The following MMS22L variants were observed in gnomAD, a reference collection of about 807,000 sequenced individuals.
MMS22L encodes protein MMS22-like.
Under a neutral mutation model 159.1 loss-of-function variants are expected in MMS22L, and 74 were observed. The observed-to-expected ratio is 0.47, with a 90% CI of 0.39 to 0.56. The LOEUF is 0.56. MMS22L is among the 20% of genes least tolerant of loss of function. The pLI is 0.00. For missense variants in MMS22L, 1,351 were observed against 1,422.1 expected (o/e 0.95, Z 0.80); for synonymous variants, 517 against 506.9 (o/e 1.02, Z -0.27).
In MMS22L at chr6:97,281,362, T is replaced by A; in HGVS notation, c.165A>T (p.Arg55=). 6.3e-7 allele frequency: 1 copy of A among 1,591,910 alleles called. No homozygotes were observed. The highest frequency in any genetic ancestry group is 8.5e-7 in the Non-Finnish European group (1 of 1,170,990). The change falls in exon 3 of 25, where the codon CGA becomes CGT. Residue 55 remains arginine (R), a splice_region_variant and synonymous_variant. Transcript: ENST00000683635. ...ESYLCSGALK[R]LILNLDPLPT... ...GTAAAGGGTCAAGATTCAAAATCAA[T>A]CTGAAATGAAAATTGTTTCAATCTC...
At chr6:97,283,773 T>G (rs906865472), upstream of MMS22L, among the ~76,000 whole-genome samples, 1 of 152,162 alleles carries the variant, frequency 6.6e-6, no homozygotes, top group Non-Finnish European at 1.5e-5. Context: ...ACATGAAACA[T>G]TCACTAAGCG....
intron 22 of MMS22L, among the ~76,000 whole-genome samples, chr6:97,155,720 G>A (rs894119011): frequency 6.6e-6 from 1 of 152,030 alleles, no homozygotes; most frequent in African/African-American, 2.4e-5. Context: ...TCATTGATGG[G>A]CATTTGGGTT....
chr6:97,254,040 T>A (rs1813513293), intron 10 of MMS22L: 1 of 152,542 alleles, frequency 6.6e-6, no homozygotes, highest in African/African-American at 2.4e-5. Flanking sequence ...AATGAGAAAT[T>A]AATATACTAG....
At chr6:97,195,201 A>T (rs1309631442) in intron 14 of MMS22L, among the ~76,000 whole-genome samples, 1 of 152,154 alleles carries the variant, frequency 6.6e-6, no homozygotes, top group Non-Finnish European at 1.5e-5. Context: ...CAGTGAGAAG[A>T]AAAAGTGCAA....
intron 18 of MMS22L, among the ~76,000 whole-genome samples, chr6:97,174,860 T>C (rs1803967921): frequency 6.6e-6 from 1 of 152,154 alleles, no homozygotes; most frequent in Admixed American, 6.5e-5. Context: ...CAATAAAATG[T>C]GAAATGAAAA....
rs113507857 is a variant in MMS22L at position 97,282,757 on chromosome 6, C to A, written c.-76-204G>T. Reference sequence around the variant, plus strand: ...CTGTGGCAGGGACCTCGAAATCCGGCCACTAAGTCGGGCTCTGCAGCCCAG... The same window carrying A: ...CTGTGGCAGGGACCTCGAAATCCGGACACTAAGTCGGGCTCTGCAGCCCAG... On this transcript the variant is annotated intron_variant, in intron 1 of 24. Transcript: ENST00000683635. Among the ~76,000 whole-genome samples the A allele has an allele frequency of 7.3e-3, 1,114 of 152,260 alleles. 18 individuals carry two copies. The highest frequency in any genetic ancestry group is 0.025 in the African/African-American group (1,045 of 41,544).
At chr6:97,165,093 T>TA (rs1802828288) in intron 21 of MMS22L, among the ~76,000 whole-genome samples, 153 bp downstream of exon 21, 1 of 152,168 alleles carries the variant, frequency 6.6e-6, no homozygotes, top group Non-Finnish European at 1.5e-5. Context: ...AATGTCATTT[T>TA]AATAAAATCT....
intron 23 of MMS22L, 136 bp downstream of exon 23, chr6:97,151,635 C>A: frequency 2.9e-6 from 2 of 691,700 alleles, no homozygotes; most frequent in Non-Finnish European, 2.4e-6. Flanking sequence ...AAAACTACTG[C>A]CAAAAATACA....
Position 97,181,959 on chromosome 6 carries a change from C to A in MMS22L, c.2329G>T (p.Asp777Tyr). The A allele has an allele frequency of 6.2e-7, 1 of 1,613,614 alleles. No individual in the cohort carries two copies. Among genetic ancestry groups the A allele is most frequent in the Non-Finnish European group, 8.5e-7 (1 of 1,179,738 alleles). Residue 777 changes from aspartate to tyrosine, a missense_variant, in exon 16 of 25, where the codon GAT becomes TAT. By Grantham distance (160) the Asp-to-Tyr change is radical (BLOSUM62 -3). Coordinates refer to ENST00000683635, the MANE Select transcript of MMS22L (RefSeq NM_001350599.2). ...ISIIQLFGWD[D>Y]IICPQVVARY... ...GCTACAACTTGAGGGCAGATGATAT[C>A]ATCCCAACCAAAAAGTTGAATAATT...
At chr6:97,238,841 T>TCTC (rs79443033) in intron 11 of MMS22L, among the ~76,000 whole-genome samples, 12 of 12 alleles carry the variant, frequency 1, 6 homozygotes, top group Non-Finnish European at 1. Flanking sequence ...TGAGACGGAG[T>TCTC]GCTCTGTCGC....
At chr6:97,153,495 C>A (rs34180259) in intron 22 of MMS22L, among the ~76,000 whole-genome samples, 14,602 of 151,288 alleles carry the variant, frequency 0.097, 1,398 homozygotes, top group African/African-American at 0.25. Context: ...CCTCAGCCTC[C>A]CGAGTAACTG....
At chr6:97,209,426 G>A (rs1033392475) in intron 14 of MMS22L, among the ~76,000 whole-genome samples, 5 of 151,784 alleles carry the variant, frequency 3.3e-5, no homozygotes, top group South Asian at 2.1e-4. Context: ...ATCTAGTACC[G>A]GTAAGAGAGT....
chr6:97,170,315 C>A (rs1444946684), intron 19 of MMS22L, among the ~76,000 whole-genome samples: 1 of 151,988 alleles, frequency 6.6e-6, no homozygotes, highest in African/African-American at 2.4e-5. Context: ...TGTTTTACTC[C>A]TTGCTATCAG....
intron 4 of MMS22L, among the ~76,000 whole-genome samples, chr6:97,275,420 G>A (rs978503636): frequency 6.6e-5 from 10 of 152,038 alleles, no homozygotes; most frequent in Non-Finnish European, 1.2e-4. Context: ...CCAGCTACTC[G>A]GGAGGCTGAG....
chr6:97,222,987 A>G (rs553406047), intron 14 of MMS22L, among the ~76,000 whole-genome samples: 1 of 152,242 alleles, frequency 6.6e-6, no homozygotes, highest in East Asian at 1.9e-4. Flanking sequence ...GTTAAAGATG[A>G]CTGCTAAAAC....
At chr6:97,227,714 G>A (rs146431794) in intron 14 of MMS22L, among the ~76,000 whole-genome samples, 221 of 152,328 alleles carry the variant, frequency 1.5e-3, no homozygotes, top group Middle Eastern at 3.4e-3. Flanking sequence ...ATGATATTAG[G>A]AGGAGGGAAG....
chr6:97,152,610 C>T (rs910145118), intron 22 of MMS22L, among the ~76,000 whole-genome samples: 1 of 151,788 alleles, frequency 6.6e-6, no homozygotes, highest in Non-Finnish European at 1.5e-5. Flanking sequence ...AAACTGTAAC[C>T]CTAAATTATA....
intron 14 of MMS22L, among the ~76,000 whole-genome samples, chr6:97,201,154 T>C (rs2128300403): frequency 6.6e-6 from 1 of 152,300 alleles, no homozygotes; most frequent in South Asian, 2.1e-4. Flanking sequence ...GCTTACAACA[T>C]CTGTGTAAAA....
At chr6:97,275,099 C>G (rs1816126210) in intron 4 of MMS22L, among the ~76,000 whole-genome samples, 1 of 152,150 alleles carries the variant, frequency 6.6e-6, no homozygotes, top group South Asian at 2.1e-4. Context: ...AATAAAAATC[C>G]AGAAAGCAAC....
Sources: gnomAD v4.1 joint callset for allele counts (sites outside exome capture counted in the v4.1 genomes callset) on GRCh38, gnomAD v4.1.1 for gene constraint, MANE v1.5 for transcripts, NCBI Gene and HGNC (gene_info 2026-07-23, HGNC 2026-07-21) for gene names.